The following ATP1A1 variants were observed in gnomAD, a reference collection of about 807,000 sequenced individuals.
The protein encoded by ATP1A1 is ATPase Na+/K+ transporting subunit alpha 1.
In ATP1A1, 14 loss-of-function variants were observed where a neutral mutation model predicts 114.8. The observed-to-expected ratio is 0.12, with a 90% CI of 0.08 to 0.19. ATP1A1 has a LOEUF of 0.19. Ranked by LOEUF, ATP1A1 falls within the 10% of genes least tolerant of loss-of-function variation. The pLI, the probability that ATP1A1 is intolerant of heterozygous loss-of-function variation, is 1.00. For missense variants in ATP1A1, 524 were observed against 1,290.7 expected, an observed-to-expected ratio of 0.41 and a Z score of 9.10; for synonymous variants, 471 against 466.3, an observed-to-expected ratio of 1.01 and a Z score of -0.13.
In ATP1A1 at chr1:116,388,480, G is replaced by A. The variant is rs147733503; in HGVS notation, c.502-158G>A. The stretch of plus-strand genomic sequence containing the variant: ...ATGTAACAGCAATATCTCTTAAACT[G>A]GCGAGCAAGCTTTTGTAACTTGTGT... On this transcript the variant is annotated intron_variant, in intron 5 of 22. Transcript: ENST00000295598. This position sits in a 1 kb window ranked among gnomAD's most constrained non-coding sequence, Gnocchi z 5.6. The A allele has an allele frequency of 6.7e-4, 759 of 1,133,260 alleles. 4 individuals are homozygous for A. The African/African-American group carries it at 0.011, about 16-fold the overall frequency. The allele number at this position is 1,133,260 out of a possible 1,614,324, so 70.2% of individuals were successfully genotyped here.
At chr1:116,378,008 T>G (rs913549897) in intron 1 of ATP1A1, among the ~76,000 whole-genome samples, 1 of 152,234 alleles carries the variant, frequency 6.6e-6, no homozygotes, top group African/African-American at 2.4e-5. Context: ...TTGCTATGAA[T>G]TGAGTGTATG....
At position 116,385,008 on chromosome 1, in the gene ATP1A1, C is replaced by G; in HGVS notation, c.183+166C>G. On this transcript the variant is annotated intron_variant, in intron 3 of 22. Transcript: ENST00000295598. This position sits in a 1 kb window ranked among gnomAD's most constrained non-coding sequence, Gnocchi z 4.3. ...ACAGAATTTGGGCATTTATATGCTA[C>G]CGTTTCTTTTCCCTGAAACTTTTTG... is the stretch of plus-strand genomic sequence containing the variant. 1 of 653,642 alleles carries G rather than the reference C, an allele frequency of 1.5e-6. No individual in the cohort carries two copies. Among genetic ancestry groups the G allele is most frequent in the Non-Finnish European group, 2.6e-6 (1 of 378,464 alleles). 40.5% of individuals were successfully genotyped at this position (653,642 alleles called of 1,614,324 possible). A position where few individuals can be genotyped will look rare whatever the true frequency, so the allele number is the denominator to read the frequency against.
At position 116,381,197 on chromosome 1, in the gene ATP1A1, G is replaced by A. The variant is rs1651720837; in HGVS notation, c.13-2817G>A. 1.3e-5 allele frequency among the ~76,000 whole-genome samples: 2 copies of A among 152,160 alleles called. No homozygotes were observed. The highest frequency in any genetic ancestry group is 2.1e-4 in the South Asian group (1 of 4,830). On this transcript the variant is annotated intron_variant, in intron 1 of 22. Coordinates refer to ENST00000295598, the MANE Select transcript of ATP1A1 (RefSeq NM_000701.8). This position sits in a 1 kb window ranked among gnomAD's most constrained non-coding sequence, Gnocchi z 5.1. ...TACTGTAGTTGATTGAGGAAATGCC[G>A]TATTTATCATTCACCCTTCCCATGA...
chr1:116,380,513 T>C (rs530444454), intron 1 of ATP1A1, among the ~76,000 whole-genome samples: 1 of 152,312 alleles, frequency 6.6e-6, no homozygotes, highest in South Asian at 2.1e-4. Context: ...ACCTCTGGGA[T>C]GGAAGATCCT....
Position 116,373,997 on chromosome 1 carries a change from C to T in ATP1A1, c.12+474C>T, listed in dbSNP as rs1475925983. ...CCCTGAGGAAAGGCGCGCTCCTCCC[C>T]TTCCCCTGGGGCGCTCCGCCGGGGC... On this transcript the variant is annotated intron_variant, in intron 1 of 22. Coordinates refer to ENST00000295598, the MANE Select transcript of ATP1A1 (RefSeq NM_000701.8). 4.7e-5 allele frequency: 64 copies of T among 1,366,806 alleles called. 1 individual carries two copies. Among genetic ancestry groups the T allele is most frequent in the Non-Finnish European group, 5.4e-5 (58 of 1,068,804 alleles). 84.7% of individuals were successfully genotyped at this position (1,366,806 alleles called of 1,614,324 possible).
rs1290637060 is a variant in ATP1A1 at position 116,389,257 on chromosome 1, G to C, written c.755-182G>C. 1.3e-5 allele frequency among the ~76,000 whole-genome samples: 2 copies of C among 152,124 alleles called. No homozygotes were observed. The highest frequency in any genetic ancestry group is 4.8e-5 in the African/African-American group (2 of 41,436). ...GTCTGGCATGGGTGTTGGAGCTGCT[G>C]TCCTGCTACTGGAGAGAAGTCCCTT... On this transcript the variant is annotated intron_variant, in intron 7 of 22. Transcript: ENST00000295598. This position sits in a 1 kb window ranked among gnomAD's most constrained non-coding sequence, Gnocchi z 6.9.
chr1:116,403,318 G>A (rs1653677521), intron 21 of ATP1A1, among the ~76,000 whole-genome samples: 1 of 152,182 alleles, frequency 6.6e-6, no homozygotes, highest in Non-Finnish European at 1.5e-5. Context: ...TAGAGACTGT[G>A]TGGCTCAGCC....
At chr1:116,378,156 G>C (rs1651488739) in intron 1 of ATP1A1, among the ~76,000 whole-genome samples, 4 of 152,196 alleles carry the variant, frequency 2.6e-5, no homozygotes. Flanking sequence ...TCGGATAGCA[G>C]ATTCTGTTAC....
intron 1 of ATP1A1, among the ~76,000 whole-genome samples, chr1:116,377,362 G>T (rs1382139741): frequency 6.6e-6 from 1 of 152,204 alleles, no homozygotes; most frequent in Non-Finnish European, 1.5e-5. Context: ...GACTGGGTTT[G>T]TTGTTCGTCA....
intron 1 of ATP1A1, among the ~76,000 whole-genome samples, chr1:116,375,744 A>G (rs1024278348): frequency 6.6e-6 from 1 of 152,208 alleles, no homozygotes; most frequent in Non-Finnish European, 1.5e-5. Context: ...ATTTTTCCAC[A>G]TGGGGATTAA....
chr1:116,391,343 C>T (rs577350567), intron 10 of ATP1A1, among the ~76,000 whole-genome samples: 3 of 152,294 alleles, frequency 2.0e-5, no homozygotes, highest in African/African-American at 7.2e-5. Context: ...TGAAATAGCT[C>T]AGCTTATCTT....
chr1:116,373,392 A>G lies in ATP1A1; in HGVS notation c.-120A>G. 3.8e-6 allele frequency: 1 copy of G among 266,110 alleles called. No individual in the cohort carries two copies. Among genetic ancestry groups the G allele is most frequent in the Non-Finnish European group, 7.6e-6 (1 of 132,108 alleles). 16.5% of individuals were successfully genotyped at this position (266,110 alleles called of 1,614,324 possible). On this transcript the variant is annotated 5_prime_UTR_variant, in exon 1 of 23. Coordinates refer to ENST00000295598, the MANE Select transcript of ATP1A1 (RefSeq NM_000701.8). ...CCCTCCCACCCTCCCGCCCCGCGGC[A>G]GCCCTAGCTCCCTCCACTTGGCTCC...
Position 116,397,290 on chromosome 1 carries a change from G to T in ATP1A1, c.1973+556G>T, listed in dbSNP as rs1196293171. 6.6e-6 allele frequency among the ~76,000 whole-genome samples: 1 copy of T among 152,130 alleles called. No individual in the cohort carries two copies. The highest frequency in any genetic ancestry group is 1.5e-5 in the Non-Finnish European group (1 of 68,016). On this transcript the variant is annotated intron_variant, in intron 14 of 22. Coordinates refer to ENST00000295598, the MANE Select transcript of ATP1A1 (RefSeq NM_000701.8). This position sits in a 1 kb window ranked among gnomAD's most constrained non-coding sequence, Gnocchi z 4.2. ...TACGGTTAGAGGAGGGTTTGGTCTT[G>T]TATCAGCTCTGCCACTTTCTAAAAC...
At position 116,384,061 on chromosome 1, in the gene ATP1A1, T is replaced by TAAAAAGGGC. The variant is rs769658184; in HGVS notation, c.75_83dup (p.Gly26_Lys28dup). ...CTGCAGCTGTTTCAGAACAAGGTGA[T>TAAAAAGGGC]AAAAAGGGCAAAAAGGGCAAAAAAG... On this transcript the variant is annotated inframe_insertion, in exon 2 of 23. Coordinates refer to ENST00000295598, the MANE Select transcript of ATP1A1 (RefSeq NM_000701.8). The surrounding 1 kb of genome is among the most constrained non-coding windows in gnomAD (Gnocchi z 5.1). The TAAAAAGGGC allele has an allele frequency of 2.3e-5, 37 of 1,613,808 alleles. No homozygotes were observed. Among genetic ancestry groups the TAAAAAGGGC allele is most frequent in the Non-Finnish European group, 3.0e-5 (35 of 1,179,962 alleles).
intron 1 of ATP1A1, among the ~76,000 whole-genome samples, chr1:116,380,340 A>T (rs1235183578): frequency 1.3e-5 from 2 of 152,210 alleles, no homozygotes; most frequent in African/African-American, 4.8e-5. Flanking sequence ...CAGAAGTCTC[A>T]AGAATTCTGA....
chr1:116,397,921 T>C lies in ATP1A1; in HGVS notation c.2007T>C (p.Asp669=), dbSNP rs756054875. The C allele has an allele frequency of 8.7e-6, 14 of 1,613,450 alleles. No individual in the cohort carries two copies. The highest frequency in any genetic ancestry group is 1.1e-5 in the Non-Finnish European group (13 of 1,179,968). ...AGGCCTGCGTAGTACACGGCAGTGA[T>C]CTAAAGGACATGACCTCCGAGCAGC... is the stretch of plus-strand genomic sequence containing the variant. ...DAKACVVHGS[D]LKDMTSEQLD... The change falls in exon 15 of 23, where the codon GAT becomes GAC. Residue 669 remains aspartate (D), a synonymous_variant. Transcript: ENST00000295598. The surrounding 1 kb of genome is among the most constrained non-coding windows in gnomAD (Gnocchi z 4.2).
At chr1:116,377,689 G>A (rs1043477284) in intron 1 of ATP1A1, among the ~76,000 whole-genome samples, 3 of 152,214 alleles carry the variant, frequency 2.0e-5, no homozygotes, top group African/African-American at 7.2e-5. Context: ...GAACATTTGT[G>A]CTGTGCTGAC....
At chr1:116,383,345 G>T in intron 1 of ATP1A1, 1 of 1,066,582 alleles carries the variant, frequency 9.4e-7, no homozygotes, top group South Asian at 2.4e-5. Flanking sequence ...GTGTTCTTAT[G>T]TGAGCACTAA....
chr1:116,380,149 T>C (rs1358891858), intron 1 of ATP1A1, among the ~76,000 whole-genome samples: 2 of 152,232 alleles, frequency 1.3e-5, no homozygotes, highest in Non-Finnish European at 2.9e-5. Flanking sequence ...TTAATAGTTA[T>C]ACCAAGTGTT....
Sources: allele counts gnomAD v4.1 joint callset (sites outside exome capture counted in the v4.1 genomes callset), GRCh38; gene constraint gnomAD v4.1.1; non-coding constraint Gnocchi (gnomAD v3.1); transcripts MANE v1.5; gene names NCBI Gene and HGNC (gene_info 2026-07-23, HGNC 2026-07-21).